Variants in CDK2AP1 observed in about 807,000 individuals in gnomAD.
CDK2AP1 encodes cyclin-dependent kinase 2-associated protein 1.
A neutral mutation model predicts 14.1 loss-of-function variants in CDK2AP1; 10 were observed. That is an observed-to-expected ratio of 0.71 (90% CI 0.44 to 1.20). The LOEUF is 1.20. CDK2AP1 is among the 50% of genes most tolerant of loss of function. The pLI is 0.00. For synonymous variants in CDK2AP1, 59 were observed against 59.8 expected, an observed-to-expected ratio of 0.99 and a Z score of 0.06; for missense variants, 102 against 149.9, an observed-to-expected ratio of 0.68 and a Z score of 1.67.
At chr12:123,270,789 C>T (rs1421492459) in intron 1 of CDK2AP1, 1 of 972,498 alleles carries the variant, frequency 1.0e-6, no homozygotes. Flanking sequence ...CCCTTGGGGG[C>T]TCCCAGATGG....
chr12:123,267,387 T>C, intron 1 of CDK2AP1, 105 bp from the exon 2 acceptor site: 1 of 721,044 alleles, frequency 1.4e-6, no homozygotes, highest in Non-Finnish European at 2.6e-6. Context: ...CACCACCAAC[T>C]GTAGCAGGAT....
Position 123,261,708 on chromosome 12 carries a change from T to A in CDK2AP1, c.*28A>T. 6 of 1,587,646 alleles carry A rather than the reference T, an allele frequency of 3.8e-6. No individual in the cohort carries two copies. Among genetic ancestry groups the A allele is most frequent in the Non-Finnish European group, 5.2e-6 (6 of 1,155,680 alleles). ...TGTAACTTCTCATCTTGTAAAAAGATGGAAATCCTTCAAAACCAACAAGGC... is the reference window on the plus strand; with the variant it reads ...TGTAACTTCTCATCTTGTAAAAAGAAGGAAATCCTTCAAAACCAACAAGGC... On this transcript the variant is annotated 3_prime_UTR_variant, in exon 4 of 4. Coordinates refer to ENST00000261692, the MANE Select transcript of CDK2AP1 (RefSeq NM_004642.4).
rs1555239964 is a variant in CDK2AP1 at position 123,267,280 on chromosome 12, C to A, written c.58G>T (p.Gly20Trp). 1 of 1,605,392 alleles carries A rather than the reference C, an allele frequency of 6.2e-7. No homozygotes were observed. The highest frequency in any genetic ancestry group is 1.1e-5 in the South Asian group (1 of 90,852). Residue 20 changes from glycine (G) to tryptophan (W), a missense_variant and splice_region_variant, in exon 2 of 4, where the codon GGG (glycine) becomes TGG (tryptophan). Physicochemically the swap from Gly to Trp is radical, Grantham distance 184. Transcript: ENST00000261692. ...HMPAAALNAA[G>W]SVHSPSTSMA... ...CTGGTGGAAGGCGAGTGGACACTCC[C>A]AGCTGTGGGGTGGGGAGAGAGAGGC...
intron 1 of CDK2AP1, chr12:123,270,885 A>C (rs2138826039): frequency 1.0e-6 from 1 of 984,412 alleles, no homozygotes; most frequent in South Asian, 4.7e-5. Context: ...CTCCGCGCTC[A>C]CCTTACGGGG....
At chr12:123,270,243 A>C in intron 1 of CDK2AP1, 1 of 978,616 alleles carries the variant, frequency 1.0e-6, no homozygotes, top group Non-Finnish European at 1.2e-6. Flanking sequence ...TTGAGAAAAA[A>C]ACAGTGGCTG....
intron 1 of CDK2AP1, chr12:123,270,210 G>A: frequency 1.0e-6 from 1 of 984,396 alleles, no homozygotes. Context: ...AAGGTCTGCG[G>A]ACCCCAGAGG....
chr12:123,267,144 C>T (rs1317779263), intron 2 of CDK2AP1, 41 bp downstream of exon 2: 2 of 1,128,400 alleles, frequency 1.8e-6, no homozygotes, highest in Admixed American at 1.7e-5. Context: ...AGCATGTCTC[C>T]CCCTGGCCCT....
chr12:123,263,336 C>T (rs1175841082), intron 3 of CDK2AP1, among the ~76,000 whole-genome samples: 4 of 152,156 alleles, frequency 2.6e-5, no homozygotes, highest in Non-Finnish European at 5.9e-5. Flanking sequence ...TGTTTTCACC[C>T]TGCTGTGACA....
At chr12:123,271,037 G>C (rs1273197970) in intron 1 of CDK2AP1, 3 of 944,790 alleles carry the variant, frequency 3.2e-6, no homozygotes, top group Admixed American at 6.4e-5. Context: ...CCGGCAGCCC[G>C]GCAGCCCCGC....
Position 123,265,421 on chromosome 12 carries a change from T to A in CDK2AP1, c.154-99A>T. The A allele has an allele frequency of 8.3e-7, 1 of 1,200,190 alleles. No homozygotes were observed. Among genetic ancestry groups the A allele is most frequent in the Non-Finnish European group, 1.2e-6 (1 of 824,296 alleles). 74.3% of individuals were successfully genotyped at this position (1,200,190 alleles called of 1,614,324 possible). A position where few individuals can be genotyped will look rare whatever the true frequency, so the allele number is the denominator to read the frequency against. On this transcript the variant is annotated intron_variant, in intron 2 of 3. Transcript: ENST00000261692. The surrounding 1 kb of genome is among the most constrained non-coding windows in gnomAD (Gnocchi z 5.3). ...AGGAGGCTGAGGCAGGAGAACTGCT[T>A]GGACCCAGGAGGTGGAAGTTGCAGT...
rs2048281713 is a variant in CDK2AP1 at position 123,265,541 on chromosome 12, C to G, written c.154-219G>C. ...AAAAAAGGGTTCAGCAGCCTGACCC[C>G]AAGGCCACAGGCAGGTGGGTGGAGA... is the stretch of plus-strand genomic sequence containing the variant. On this transcript the variant is annotated intron_variant, in intron 2 of 3. Transcript: ENST00000261692. This position sits in a 1 kb window ranked among gnomAD's most constrained non-coding sequence, Gnocchi z 5.3. 6.6e-6 allele frequency among the ~76,000 whole-genome samples: 1 copy of G among 151,386 alleles called. No homozygotes were observed. Among genetic ancestry groups the G allele is most frequent in the South Asian group, 2.1e-4 (1 of 4,792 alleles).
chr12:123,265,167 C>A lies in CDK2AP1; in HGVS notation c.280+29G>T. On this transcript the variant is annotated intron_variant, in intron 3 of 3. Coordinates refer to ENST00000261692, the MANE Select transcript of CDK2AP1 (RefSeq NM_004642.4). This position sits in a 1 kb window ranked among gnomAD's most constrained non-coding sequence, Gnocchi z 5.3. ...AGAGTTAAAGGTCTAGCACTGTGGT[C>A]ACCGACAGGGCAGCGGGGCCGGGCT... 6.2e-7 allele frequency: 1 copy of A among 1,613,888 alleles called. No homozygotes were observed. The highest frequency in any genetic ancestry group is 1.1e-5 in the South Asian group (1 of 91,048).
At position 123,271,833 on chromosome 12, in the gene CDK2AP1, G is replaced by C. The variant is rs1426315974; in HGVS notation, c.-215C>G. The C allele has an allele frequency of 6.8e-6, 1 of 146,558 alleles. No homozygotes were observed. The highest frequency in any genetic ancestry group is 1.5e-5 in the Non-Finnish European group (1 of 65,988). 9.1% of individuals were successfully genotyped at this position (146,558 alleles called of 1,614,324 possible). On this transcript the variant is annotated 5_prime_UTR_variant, in exon 1 of 4. Coordinates refer to ENST00000261692, the MANE Select transcript of CDK2AP1 (RefSeq NM_004642.4). The stretch of plus-strand genomic sequence containing the variant: ...GCAGTCTCACCCAGGCCCCGGGTGC[G>C]GCGCAGGGGCGGCCGCAAACTTTCC...
chr12:123,264,695 C>A (rs1400496208), intron 3 of CDK2AP1, among the ~76,000 whole-genome samples: 1 of 152,096 alleles, frequency 6.6e-6, no homozygotes, highest in Admixed American at 6.6e-5. Context: ...TGCCTGCCCT[C>A]CCTCTCCAAC....
At chr12:123,266,609 G>A (rs1345263220) in intron 2 of CDK2AP1, among the ~76,000 whole-genome samples, 4 of 152,224 alleles carry the variant, frequency 2.6e-5, no homozygotes, top group Non-Finnish European at 5.9e-5. Context: ...GCCTGGGCTG[G>A]GGGTACTAGG....
chr12:123,265,275 C>T lies in CDK2AP1; in HGVS notation c.201G>A (p.Leu67=), dbSNP rs1213491092. The T allele has an allele frequency of 6.2e-7, 1 of 1,614,072 alleles. No individual in the cohort carries two copies. The highest frequency in any genetic ancestry group is 8.5e-7 in the Non-Finnish European group (1 of 1,180,030). Residue 67 remains leucine, a synonymous_variant, in exon 3 of 4, where the codon CTG becomes CTA. Transcript: ENST00000261692. The surrounding 1 kb of genome is among the most constrained non-coding windows in gnomAD (Gnocchi z 5.3). ...CCTTCCCCAGCTCTTCAATGATGGC[C>T]AGCAGCTCCGCGTATTTGCTTTGGG... ...QVPQSKYAEL[L]AIIEELGKEI...
chr12:123,266,339 C>G (rs1006460085), intron 2 of CDK2AP1, among the ~76,000 whole-genome samples: 1 of 152,262 alleles, frequency 6.6e-6, no homozygotes, highest in Non-Finnish European at 1.5e-5. Context: ...TGCCTGGCCT[C>G]CCACAGCCAC....
At chr12:123,268,327 G>A in intron 1 of CDK2AP1, 1 of 709,628 alleles carries the variant, frequency 1.4e-6, no homozygotes, top group Non-Finnish European at 1.7e-6. Context: ...TGAGGGGAGG[G>A]GCAGAGGAGG....
chr12:123,271,454 G>GC, intron 1 of CDK2AP1, 110 bp downstream of exon 1: 1 of 452,462 alleles, frequency 2.2e-6, no homozygotes, highest in Non-Finnish European at 2.9e-6. Flanking sequence ...GGGACCCTGA[G>GC]CCCCCCGCCC....
Sources: gnomAD v4.1 joint callset for allele counts (sites outside exome capture counted in the v4.1 genomes callset) on GRCh38, gnomAD v4.1.1 for gene constraint, Gnocchi (gnomAD v3.1) non-coding constraint, MANE v1.5 for transcripts, NCBI Gene and HGNC (gene_info 2026-07-23, HGNC 2026-07-21) for gene names.